Variants in SGCZ observed in about 807,000 individuals in gnomAD.
SGCZ encodes zeta-sarcoglycan.
A neutral mutation model predicts 41.3 loss-of-function variants in SGCZ; 40 were observed. The observed-to-expected ratio is 0.97, with a 90% confidence interval of 0.75 to 1.26. The LOEUF (loss-of-function observed/expected upper bound fraction) is 1.26, where lower values mean the gene tolerates loss of function less well. SGCZ is among the 50% of genes most tolerant of loss of function. The pLI, the probability that SGCZ is intolerant of heterozygous loss-of-function variation, is 0.00. For synonymous variants in SGCZ, 206 were observed against 137.5 expected (o/e 1.50, Z -3.49); for missense variants, 552 against 369.8 (o/e 1.49, Z -4.04).
At chr8:15,167,200 A>G (rs1799690217) in intron 1 of SGCZ, among the ~76,000 whole-genome samples, 1 of 152,232 alleles carries the variant, frequency 6.6e-6, no homozygotes, top group South Asian at 2.1e-4. Flanking sequence ...TCAGTGCAAT[A>G]AGAATCCATT....
chr8:14,364,810 T>C (rs1449972073), intron 2 of SGCZ, among the ~76,000 whole-genome samples: 1 of 152,164 alleles, frequency 6.6e-6, no homozygotes, highest in Non-Finnish European at 1.5e-5. Flanking sequence ...CAATCGTTTA[T>C]AATCTTTGCC....
intron 4 of SGCZ, among the ~76,000 whole-genome samples, chr8:14,227,073 C>A (rs7816456): frequency 2.0e-5 from 3 of 151,756 alleles, no homozygotes; most frequent in Admixed American, 1.3e-4. Flanking sequence ...GGTGAGCAAT[C>A]AGCCCGCAAG....
chr8:14,271,198 TA>T (rs936534962), intron 3 of SGCZ, among the ~76,000 whole-genome samples: 115 of 144,322 alleles, frequency 8.0e-4, no homozygotes, highest in South Asian at 1.5e-3. Flanking sequence ...AAAGTATAAT[TA>T]AAAAAAAAAA....
chr8:14,465,282 A>G (rs1801017627), intron 2 of SGCZ, among the ~76,000 whole-genome samples: 1 of 151,540 alleles, frequency 6.6e-6, no homozygotes, highest in Admixed American at 6.6e-5. Flanking sequence ...GTTATTAAAT[A>G]TTTTTCCAGT....
intron 2 of SGCZ, among the ~76,000 whole-genome samples, chr8:14,545,546 T>C (rs183330954): frequency 1.3e-5 from 2 of 152,268 alleles, no homozygotes. Context: ...ATATACTATA[T>C]GCTATTACTT....
chr8:14,810,618 A>C (rs1801709842), intron 1 of SGCZ, among the ~76,000 whole-genome samples: 1 of 152,076 alleles, frequency 6.6e-6, no homozygotes, highest in Non-Finnish European at 1.5e-5. Flanking sequence ...AAACAACATC[A>C]GTTCATTGGA....
intron 1 of SGCZ, among the ~76,000 whole-genome samples, chr8:14,772,763 T>C (rs1462972579): frequency 6.6e-6 from 1 of 152,108 alleles, no homozygotes; most frequent in Non-Finnish European, 1.5e-5. Flanking sequence ...GAACTCATCA[T>C]TTTTTGTGGC....
chr8:14,344,599 G>A (rs943632202), intron 2 of SGCZ, among the ~76,000 whole-genome samples: 2 of 152,042 alleles, frequency 1.3e-5, no homozygotes, highest in Admixed American at 6.6e-5. Context: ...AAAGGGAAAA[G>A]GGGGGAACGA....
chr8:14,472,150 A>G (rs927530394), intron 2 of SGCZ, among the ~76,000 whole-genome samples: 14 of 152,172 alleles, frequency 9.2e-5, no homozygotes, highest in African/African-American at 3.1e-4. Flanking sequence ...AAGAGTTCCA[A>G]TTGTAATTTT....
At chr8:14,413,855 C>T (rs1252231839) in intron 2 of SGCZ, among the ~76,000 whole-genome samples, 1 of 151,980 alleles carries the variant, frequency 6.6e-6, no homozygotes, top group Admixed American at 6.6e-5. Context: ...CAGAATCTTT[C>T]TTTGATTTGT....
chr8:14,807,737 G>T (rs1401434066), intron 1 of SGCZ, among the ~76,000 whole-genome samples: 1 of 151,816 alleles, frequency 6.6e-6, no homozygotes, highest in African/African-American at 2.4e-5. Flanking sequence ...CTACTTTAAA[G>T]TTCATATGGA....
intron 2 of SGCZ, among the ~76,000 whole-genome samples, chr8:14,469,143 T>C (rs527728117): frequency 6.6e-6 from 1 of 152,214 alleles, no homozygotes; most frequent in East Asian, 1.9e-4. Context: ...GCTTCAATGG[T>C]GCCCTATCAT....
chr8:14,133,775 G>A (rs755904350), intron 5 of SGCZ, among the ~76,000 whole-genome samples: 1 of 151,912 alleles, frequency 6.6e-6, no homozygotes, highest in Admixed American at 6.6e-5. Flanking sequence ...TTCTTTAGGA[G>A]GATGAAAGCT....
intron 1 of SGCZ, among the ~76,000 whole-genome samples, chr8:14,656,021 T>G (rs1585158469): frequency 6.6e-6 from 1 of 152,046 alleles, no homozygotes; most frequent in African/African-American, 2.4e-5. Flanking sequence ...CACATCAGGG[T>G]TGCTTCCAGT....
chr8:14,389,920 T>A (rs550979306), intron 2 of SGCZ, among the ~76,000 whole-genome samples: 13 of 151,942 alleles, frequency 8.6e-5, no homozygotes, highest in Non-Finnish European at 1.8e-4. Flanking sequence ...CTTCTCACAG[T>A]ATGAAGTAAA....
intron 1 of SGCZ, among the ~76,000 whole-genome samples, chr8:14,863,369 G>A (rs1035354133): frequency 1.1e-4 from 17 of 152,000 alleles, no homozygotes; most frequent in African/African-American, 3.4e-4. Context: ...CTGTCACCCA[G>A]GCTGGAGTGT....
At chr8:14,136,162 A>C (rs1803190867) in intron 5 of SGCZ, among the ~76,000 whole-genome samples, 1 of 152,156 alleles carries the variant, frequency 6.6e-6, no homozygotes, top group South Asian at 2.1e-4. Context: ...TCAAACACTA[A>C]AGAATCAACT....
chr8:15,017,991 A>C (rs1353326210), intron 1 of SGCZ, among the ~76,000 whole-genome samples: 4 of 152,144 alleles, frequency 2.6e-5, no homozygotes, highest in Non-Finnish European at 5.9e-5. Context: ...CAGCCTCCCA[A>C]GTCTCTGGAG....
intron 1 of SGCZ, among the ~76,000 whole-genome samples, chr8:15,019,254 G>T (rs1252386080): frequency 8.5e-5 from 13 of 152,178 alleles, no homozygotes; most frequent in Admixed American, 7.2e-4. Flanking sequence ...GTCAGCAAGG[G>T]GCTATGGTTG....
Sources: allele counts gnomAD v4.1 joint callset (sites outside exome capture counted in the v4.1 genomes callset), GRCh38; gene constraint gnomAD v4.1.1; transcripts MANE v1.5; gene names NCBI Gene and HGNC (gene_info 2026-07-23, HGNC 2026-07-21).